The following HMGCLL1 variants were observed in gnomAD, a reference collection of about 807,000 sequenced individuals.
The protein encoded by HMGCLL1 is 3-hydroxymethyl-3-methylglutaryl-CoA lyase, cytoplasmic.
A neutral mutation model predicts 39.1 loss-of-function variants in HMGCLL1; 36 were observed. The observed-to-expected ratio is 0.92, with a 90% CI of 0.71 to 1.22. The LOEUF is 1.22. HMGCLL1 is among the 50% of genes most tolerant of loss of function. The pLI is 0.00. For missense variants in HMGCLL1, 451 were observed against 416.5 expected, an observed-to-expected ratio of 1.08 and a Z score of -0.72; for synonymous variants, 149 against 144.0, an observed-to-expected ratio of 1.03 and a Z score of -0.25.
intron 3 of HMGCLL1, among the ~76,000 whole-genome samples, chr6:55,521,168 C>T (rs1310057800): frequency 2.6e-5 from 4 of 151,986 alleles, no homozygotes; most frequent in African/African-American, 9.7e-5. Flanking sequence ...TCAATATGTT[C>T]CCCAGACAAT....
chr6:55,487,059 TG>T (rs1280906744), intron 7 of HMGCLL1, among the ~76,000 whole-genome samples: 1 of 152,106 alleles, frequency 6.6e-6, no homozygotes, highest in Non-Finnish European at 1.5e-5. Context: ...ACCATCACAC[TG>T]GTGATTTAGG....
At chr6:55,664,930 G>A in the HMGCLL1 span, among the ~76,000 whole-genome samples, 1 of 151,780 alleles carries the variant, frequency 6.6e-6, no homozygotes, top group East Asian at 1.9e-4. Flanking sequence ...GGTGGGGAGA[G>A]AGAGAAAGAG....
At chr6:55,469,886 A>G (rs1164937892) in intron 7 of HMGCLL1, among the ~76,000 whole-genome samples, 1 of 151,898 alleles carries the variant, frequency 6.6e-6, no homozygotes, top group African/African-American at 2.4e-5. Context: ...GTATAAAGCC[A>G]AATGTCCCTT....
the HMGCLL1 span, among the ~76,000 whole-genome samples, chr6:55,646,049 T>C: frequency 3.3e-5 from 5 of 151,956 alleles, no homozygotes; most frequent in African/African-American, 1.2e-4. Context: ...GGAAGATTTT[T>C]TATTACAGCT....
chr6:55,551,165 T>C (rs1316574044), intron 1 of HMGCLL1, among the ~76,000 whole-genome samples: 3 of 151,862 alleles, frequency 2.0e-5, no homozygotes, highest in South Asian at 4.1e-4. Flanking sequence ...AAGAGATCTA[T>C]AGGCATTCAT....
chr6:55,647,046 G>A, the HMGCLL1 span, among the ~76,000 whole-genome samples: 1 of 151,854 alleles, frequency 6.6e-6, no homozygotes, highest in African/African-American at 2.4e-5. Flanking sequence ...AGTAATATTT[G>A]CTTTATATAT....
intron 1 of HMGCLL1, chr6:55,566,761 G>A (rs1771239300): frequency 2.8e-6 from 1 of 351,222 alleles, no homozygotes; most frequent in African/African-American, 2.1e-5. Flanking sequence ...CCAAGAAAAG[G>A]AACAAATAGG....
At chr6:55,578,614 T>C (rs1430223595) in intron 1 of HMGCLL1, among the ~76,000 whole-genome samples, 1 of 152,216 alleles carries the variant, frequency 6.6e-6, no homozygotes, top group Non-Finnish European at 1.5e-5. Context: ...GCGGTATCCT[T>C]GAAGGAATAC....
At chr6:55,550,237 G>A (rs148174758) in intron 1 of HMGCLL1, among the ~76,000 whole-genome samples, 44 of 152,060 alleles carry the variant, frequency 2.9e-4, no homozygotes, top group African/African-American at 6.5e-4. Flanking sequence ...AGACTACAGC[G>A]GATGTTGTGA....
intron 1 of HMGCLL1, among the ~76,000 whole-genome samples, chr6:55,552,856 T>G (rs1235114927): frequency 6.6e-6 from 1 of 151,994 alleles, no homozygotes; most frequent in East Asian, 1.9e-4. Context: ...AAAATGATGG[T>G]ATATGCCGGG....
chr6:55,616,259 AC>A, the HMGCLL1 span, among the ~76,000 whole-genome samples: 1 of 152,018 alleles, frequency 6.6e-6, no homozygotes, highest in Non-Finnish European at 1.5e-5. Flanking sequence ...TGCTTCATAA[AC>A]CCTTGCCTAC....
chr6:55,514,586 TACTA>T (rs899598384), intron 4 of HMGCLL1, among the ~76,000 whole-genome samples: 2 of 152,182 alleles, frequency 1.3e-5, no homozygotes, highest in Non-Finnish European at 2.9e-5. Context: ...AAATGGAAGA[TACTA>T]ACTACTTTGT....
chr6:55,613,198 C>A, the HMGCLL1 span, among the ~76,000 whole-genome samples: 1 of 152,126 alleles, frequency 6.6e-6, no homozygotes, highest in East Asian at 1.9e-4. Context: ...GAAAAAAGGT[C>A]AACATCACTT....
chr6:55,503,497 A>G (rs1766998737), intron 5 of HMGCLL1, among the ~76,000 whole-genome samples: 1 of 151,054 alleles, frequency 6.6e-6, no homozygotes, highest in Non-Finnish European at 1.5e-5. Flanking sequence ...TTTCTCAGCT[A>G]GGTGATATGT....
intron 7 of HMGCLL1, among the ~76,000 whole-genome samples, chr6:55,469,899 T>G (rs1351329691): frequency 2.0e-5 from 3 of 151,908 alleles, no homozygotes; most frequent in Non-Finnish European, 4.4e-5. Flanking sequence ...TGTCCCTTTT[T>G]CAGAAGCACC....
the HMGCLL1 span, among the ~76,000 whole-genome samples, chr6:55,626,129 G>A: frequency 6.6e-6 from 1 of 152,122 alleles, no homozygotes; most frequent in Non-Finnish European, 1.5e-5. Flanking sequence ...TCCTTGGGGT[G>A]ATCAGCCAGC....
At chr6:55,523,370 C>A (rs1324057639) in intron 3 of HMGCLL1, among the ~76,000 whole-genome samples, 1 of 151,886 alleles carries the variant, frequency 6.6e-6, no homozygotes, top group Non-Finnish European at 1.5e-5. Flanking sequence ...GCTTTACTGG[C>A]AAATTGCTTT....
At chr6:55,600,458 C>T in the HMGCLL1 span, among the ~76,000 whole-genome samples, 1 of 152,012 alleles carries the variant, frequency 6.6e-6, no homozygotes, top group South Asian at 2.1e-4. Context: ...TCATGACTAT[C>T]TTTTGAAGTA....
the HMGCLL1 span, among the ~76,000 whole-genome samples, chr6:55,650,110 T>TATACACACATATAC: frequency 1.3e-5 from 1 of 74,526 alleles, no homozygotes. Flanking sequence ...TATATATATA[T>TATACACACATATAC]ATATATATAT....
Sources: allele counts gnomAD v4.1 joint callset (sites outside exome capture counted in the v4.1 genomes callset), GRCh38; gene constraint gnomAD v4.1.1; transcripts MANE v1.5; gene names NCBI Gene and HGNC (gene_info 2026-07-23, HGNC 2026-07-21).